Variants in ZEB2 observed in about 807,000 individuals in gnomAD.
The protein encoded by ZEB2 is zinc finger E-box binding homeobox 2.
Under a neutral mutation model 99.9 loss-of-function variants are expected in ZEB2, and 6 were observed. That is an observed-to-expected ratio of 0.06 (90% CI 0.03 to 0.12). The LOEUF is 0.12. Among genes scored for constraint, ZEB2 ranks in the 10% least tolerant of loss-of-function variants. The probability of loss-of-function intolerance (pLI) is 1.00; values close to 1 mark genes in which losing one functional copy is unlikely to be tolerated. For synonymous variants in ZEB2, 517 were observed against 542.5 expected, an observed-to-expected ratio of 0.95 and a Z score of 0.65; for missense variants, 969 against 1,502.8, an observed-to-expected ratio of 0.64 and a Z score of 5.87.
chr2:144,479,392 C>T (rs1704475866), intron 2 of ZEB2, among the ~76,000 whole-genome samples: 1 of 152,126 alleles, frequency 6.6e-6, no homozygotes, highest in South Asian at 2.1e-4. Context: ...TTCACAGGCA[C>T]CCCTCACGGC....
chr2:144,406,417 T>C (rs1279614445), intron 4 of ZEB2, among the ~76,000 whole-genome samples: 1 of 152,170 alleles, frequency 6.6e-6, no homozygotes, highest in Non-Finnish European at 1.5e-5. Context: ...GAAAGAAAGT[T>C]ATATGGTGGT....
chr2:144,517,040 C>G lies in ZEB2; in HGVS notation c.73+238G>C, dbSNP rs1166333850. On this transcript the variant is annotated intron_variant, in intron 2 of 9. Coordinates refer to ENST00000627532, the MANE Select transcript of ZEB2 (RefSeq NM_014795.4). Reference sequence around the variant, plus strand: ...CTGGGGGCGCGGGGCCCCGGCCGGACCCCCGCGCTCGGACCCCCGGGTGCC... The same window carrying G: ...CTGGGGGCGCGGGGCCCCGGCCGGAGCCCCGCGCTCGGACCCCCGGGTGCC... Among the ~76,000 whole-genome samples the G allele has an allele frequency of 2.0e-5, 3 of 148,920 alleles. No individual in the cohort carries two copies. The South Asian group carries it at 6.2e-4, about 31-fold the overall frequency.
chr2:144,472,825 G>A (rs1050654603), intron 2 of ZEB2, among the ~76,000 whole-genome samples: 2 of 134,382 alleles, frequency 1.5e-5, no homozygotes, highest in African/African-American at 5.5e-5. Flanking sequence ...AGTACCAGAA[G>A]AGCTTACCTC....
chr2:144,403,895 C>A (rs770209771), intron 6 of ZEB2, 21 bp downstream of exon 6: 13 of 1,613,760 alleles, frequency 8.1e-6, no homozygotes, highest in Middle Eastern at 1.6e-4. Context: ...AGAAAGAAAT[C>A]ACTTAAAACC....
chr2:144,472,771 C>A (rs1176983531), intron 2 of ZEB2, among the ~76,000 whole-genome samples: 2 of 151,968 alleles, frequency 1.3e-5, no homozygotes, highest in Non-Finnish European at 2.9e-5. Flanking sequence ...ACATGTATAC[C>A]ATGAGAAGAG....
intron 2 of ZEB2, among the ~76,000 whole-genome samples, chr2:144,481,045 C>A (rs1704503810): frequency 6.6e-6 from 1 of 151,014 alleles, no homozygotes; most frequent in South Asian, 2.1e-4. Context: ...TCTTTCCTGG[C>A]ATCTACACCT....
In ZEB2 at chr2:144,518,050, T is replaced by C. The variant is rs181767561; in HGVS notation, c.-69-631A>G. On this transcript the variant is annotated intron_variant, in intron 1 of 9. Coordinates refer to ENST00000627532, the MANE Select transcript of ZEB2 (RefSeq NM_014795.4). ...CCGTTTTACGCCGCAATGATAAATA[T>C]AATTATAAGCCTCTTTGGACACTGT... The C allele has an allele frequency of 5.5e-4, 121 of 218,256 alleles. No homozygotes were observed. The East Asian group carries it at 8.6e-3, about 15-fold the overall frequency. 13.5% of individuals were successfully genotyped at this position (218,256 alleles called of 1,614,324 possible).
Position 144,429,904 on chromosome 2 carries a change from G to T in ZEB2, c.196C>A (p.Pro66Thr). The T allele has an allele frequency of 6.2e-7, 1 of 1,613,786 alleles. No homozygotes were observed. The highest frequency in any genetic ancestry group is 1.1e-5 in the South Asian group (1 of 91,074). Residue 66 changes from proline to threonine, a missense_variant, in exon 3 of 10, where the codon CCC becomes ACC. By Grantham distance (38) the Pro-to-Thr change is conservative. Coordinates refer to ENST00000627532, the MANE Select transcript of ZEB2 (RefSeq NM_014795.4). ...ACGTGTGGGGAGGACTCATGGTTGG[G>T]CACACTAGCTGGACTCGTCTCCTGG... Reference protein sequence around the residue: ...LDQETSPASVPNHESSPHVSQ... With the variant: ...LDQETSPASVTNHESSPHVSQ...
At position 144,399,465 on chromosome 2, in the gene ZEB2, G is replaced by T. The variant is rs1410662103; in HGVS notation, c.1722C>A (p.Asn574Lys). ...ATGAAAATGGAGTGGATATGTTGTG[G>T]TTCTCAATCATTTTGTCATCAGTGA... is the stretch of plus-strand genomic sequence containing the variant. ...DLVTDDKMIE[N>K]HNISTPFSCQ... is the part of the protein sequence containing the mutation. Residue 574 changes from asparagine (N) to lysine (K), a missense_variant, in exon 8 of 10, where the codon AAC (asparagine) becomes AAA (lysine). Physicochemically the swap from Asn to Lys is moderately conservative, Grantham distance 94 (BLOSUM62 0). Coordinates refer to ENST00000627532, the MANE Select transcript of ZEB2 (RefSeq NM_014795.4). The surrounding 1 kb of genome is among the most constrained non-coding windows in gnomAD (Gnocchi z 5.6). The T allele has an allele frequency of 1.9e-6, 3 of 1,614,034 alleles. No individual in the cohort carries two copies. The highest frequency in any genetic ancestry group is 2.5e-6 in the Non-Finnish European group (3 of 1,180,048).
chr2:144,413,089 A>G (rs759944729), intron 4 of ZEB2, among the ~76,000 whole-genome samples: 10 of 152,128 alleles, frequency 6.6e-5, no homozygotes, highest in Non-Finnish European at 1.3e-4. Context: ...GAATTCCATA[A>G]TTTCAATTAA....
At position 144,511,298 on chromosome 2, in the gene ZEB2, CATGG is replaced by C. The variant is rs1705034693; in HGVS notation, c.73+5976_73+5979del. 4.9e-6 allele frequency: 4 copies of C among 810,196 alleles called. No individual in the cohort carries two copies. The African/African-American group carries it at 5.5e-5, about 11-fold the overall frequency. 50.2% of individuals were successfully genotyped at this position (810,196 alleles called of 1,614,324 possible). A position where few individuals can be genotyped will look rare whatever the true frequency, so the allele number is the denominator to read the frequency against. Reference sequence around the variant, plus strand: ...GAAGAGAAAAGCCAAAAGATACACGCATGGATGGCTTTTCTTCTTACCTCCTCAG... The same window carrying C: ...GAAGAGAAAAGCCAAAAGATACACGCATGGCTTTTCTTCTTACCTCCTCAG... On this transcript the variant is annotated intron_variant, in intron 2 of 9. Transcript: ENST00000627532.
intron 2 of ZEB2, among the ~76,000 whole-genome samples, chr2:144,502,793 T>A (rs1331143961): frequency 6.6e-6 from 1 of 152,234 alleles, no homozygotes; most frequent in East Asian, 1.9e-4. Context: ...TGTTTTTAAG[T>A]CTCAATCTTA....
chr2:144,449,476 C>A (rs972876276), intron 2 of ZEB2, among the ~76,000 whole-genome samples: 1 of 152,164 alleles, frequency 6.6e-6, no homozygotes, highest in East Asian at 1.9e-4. Context: ...GCTAACAAAA[C>A]CCATGAACAC....
At chr2:144,504,346 G>A (rs1266135071) in intron 2 of ZEB2, 4 of 152,222 alleles carry the variant, frequency 2.6e-5, no homozygotes, top group African/African-American at 9.7e-5. Flanking sequence ...TCAGGATATG[G>A]TGCTGCTGAG....
intron 4 of ZEB2, 150 bp from the exon 5 acceptor site, chr2:144,405,174 T>C (rs1307296753): frequency 4.9e-6 from 4 of 820,386 alleles, no homozygotes; most frequent in Non-Finnish European, 7.9e-6. Flanking sequence ...TGACCGATTA[T>C]TGACTGAATG....
intron 2 of ZEB2, among the ~76,000 whole-genome samples, chr2:144,479,807 T>C (rs933726761): frequency 6.6e-6 from 1 of 152,112 alleles, no homozygotes; most frequent in Non-Finnish European, 1.5e-5. Context: ...GTTTTTCTTT[T>C]CCCACGCTAA....
chr2:144,404,885 C>T lies in ZEB2; in HGVS notation c.543G>A (p.Glu181=). ...CTGGCGTGCCAAGGCGAGACAGCTC[C>T]TCAGGGGCTTCTGGGTAAATAATGG... ...DTAIIYPEAP[E]ELSRLGTPEA... is the part of the protein sequence containing the mutation. The change falls in exon 5 of 10, where the codon GAG becomes GAA. Residue 181 remains glutamate (E), a synonymous_variant. Transcript: ENST00000627532. 2 of 1,614,232 alleles carry T rather than the reference C, an allele frequency of 1.2e-6. No individual in the cohort carries two copies. The highest frequency in any genetic ancestry group is 1.7e-6 in the Non-Finnish European group (2 of 1,180,042).
At chr2:144,478,052 C>G (rs1014815616) in intron 2 of ZEB2, among the ~76,000 whole-genome samples, 5 of 152,148 alleles carry the variant, frequency 3.3e-5, no homozygotes, top group African/African-American at 1.2e-4. Context: ...CATGGATGCC[C>G]AGCCAGGGTT....
At chr2:144,434,558 C>T (rs1001645414) in intron 2 of ZEB2, among the ~76,000 whole-genome samples, 1 of 152,128 alleles carries the variant, frequency 6.6e-6, no homozygotes, top group Non-Finnish European at 1.5e-5. Flanking sequence ...CATGATAATA[C>T]AAATTCCCAG....
Sources: allele counts gnomAD v4.1 joint callset (sites outside exome capture counted in the v4.1 genomes callset), GRCh38; gene constraint gnomAD v4.1.1; non-coding constraint Gnocchi (gnomAD v3.1); transcripts MANE v1.5; gene names NCBI Gene and HGNC (gene_info 2026-07-23, HGNC 2026-07-21).